Variants in CACNA1C observed in about 807,000 individuals in gnomAD.
CACNA1C encodes calcium voltage-gated channel subunit alpha1 C.
Under a neutral mutation model 229.0 loss-of-function variants are expected in CACNA1C, and 30 were observed. The ratio of observed to expected loss-of-function variants is 0.13; its 90% CI spans 0.10 to 0.18. The LOEUF is 0.18. Among genes scored for constraint, CACNA1C ranks in the 10% least tolerant of loss-of-function variants. CACNA1C has a pLI of 1.00. For missense variants in CACNA1C, 1,658 were observed against 2,845.0 expected (o/e 0.58, Z 9.49); for synonymous variants, 1,114 against 1,132.5 (o/e 0.98, Z 0.33).
chr12:2,460,836 G>A (rs1470612730), intron 5 of CACNA1C, among the ~76,000 whole-genome samples: 1 of 152,202 alleles, frequency 6.6e-6, no homozygotes. Flanking sequence ...CAGTAAAATG[G>A]TGGCTCTTCC....
chr12:1,998,672 A>G (rs1050314537), intron 1 of CACNA1C, among the ~76,000 whole-genome samples: 4 of 152,196 alleles, frequency 2.6e-5, no homozygotes, highest in Admixed American at 2.6e-4. Context: ...GTCACTTCAC[A>G]TTTCTTTTCC....
intron 3 of CACNA1C, among the ~76,000 whole-genome samples, chr12:2,434,889 G>T (rs930213753): frequency 1.3e-5 from 2 of 152,230 alleles, no homozygotes; most frequent in Non-Finnish European, 2.9e-5. Context: ...CTTCAGTCTA[G>T]TTCATCTAAA....
chr12:2,229,171 C>T (rs1336459568), intron 3 of CACNA1C, among the ~76,000 whole-genome samples: 6 of 152,110 alleles, frequency 3.9e-5, no homozygotes, highest in African/African-American at 1.4e-4. Context: ...CTCACTTGGG[C>T]AAGTTCCTTA....
At chr12:2,459,141 C>T (rs1473963826) in intron 5 of CACNA1C, among the ~76,000 whole-genome samples, 1 of 149,254 alleles carries the variant, frequency 6.7e-6, no homozygotes, top group African/African-American at 2.5e-5. Flanking sequence ...TGCCACCATG[C>T]CCAGCTAATT....
chr12:2,125,033 A>G (rs1211137042), intron 3 of CACNA1C, among the ~76,000 whole-genome samples: 1 of 152,106 alleles, frequency 6.6e-6, no homozygotes, highest in Non-Finnish European at 1.5e-5. Context: ...GTGGGAGGGT[A>G]GCAGTGACCA....
chr12:2,633,632 T>C lies in CACNA1C; in HGVS notation c.3829-665T>C, dbSNP rs2091552186. ...CTGCCTGCCCTCCCTTATGTAGGGT[T>C]ACTTTAGTGATCCCTGGAATGTTTT... On this transcript the variant is annotated intron_variant, in intron 29 of 46. Transcript: ENST00000399655. The surrounding 1 kb of genome is among the most constrained non-coding windows in gnomAD (Gnocchi z 5.8). 6.3e-7 allele frequency: 1 copy of C among 1,593,260 alleles called. No homozygotes were observed. Among genetic ancestry groups the C allele is most frequent in the African/African-American group, 1.3e-5 (1 of 74,504 alleles).
intron 3 of CACNA1C, among the ~76,000 whole-genome samples, chr12:2,302,740 A>G (rs1393101869): frequency 6.6e-6 from 1 of 152,166 alleles, no homozygotes; most frequent in Admixed American, 6.5e-5. Flanking sequence ...GAACATGTTG[A>G]CTCTTACATA....
chr12:2,581,845 C>T (rs376854008), intron 14 of CACNA1C, 48 bp downstream of exon 14: 28 of 1,221,460 alleles, frequency 2.3e-5, no homozygotes, highest in East Asian at 9.4e-5. Flanking sequence ...GGTTGAGTGG[C>T]GGGGTGGTGG....
chr12:2,018,060 C>T (rs894302277), intron 1 of CACNA1C, among the ~76,000 whole-genome samples: 1 of 152,174 alleles, frequency 6.6e-6, no homozygotes, highest in Non-Finnish European at 1.5e-5. Flanking sequence ...AGGTTGCAGA[C>T]GCGTGGTCTA....
At chr12:2,652,271 C>T (rs1002606853) in intron 32 of CACNA1C, among the ~76,000 whole-genome samples, 5 of 152,214 alleles carry the variant, frequency 3.3e-5, no homozygotes, top group Non-Finnish European at 7.3e-5. Context: ...GTCCTCCGCT[C>T]GGCTAGAGAG....
chr12:2,389,530 A>G (rs892913734), intron 3 of CACNA1C, among the ~76,000 whole-genome samples: 1 of 152,222 alleles, frequency 6.6e-6, no homozygotes. Flanking sequence ...TGAGTGAAAG[A>G]GAGCATCCTT....
chr12:2,493,413 G>C lies in CACNA1C; in HGVS notation c.1113+27G>C, dbSNP rs1327993744. The C allele has an allele frequency of 1.9e-6, 3 of 1,581,368 alleles. No homozygotes were observed. In the African/African-American group the frequency reaches 4.0e-5, roughly 21 times the overall value. On this transcript the variant is annotated intron_variant, in intron 7 of 46. Coordinates refer to ENST00000399655, the MANE Select transcript of CACNA1C (RefSeq NM_000719.7). This position sits in a 1 kb window ranked among gnomAD's most constrained non-coding sequence, Gnocchi z 4.6. ...TACGTAGCATGAGTGGGCAGTCAGA[G>C]GGTGGGGGAACAGCGGCCGTGAACC... is the stretch of plus-strand genomic sequence containing the variant.
intron 7 of CACNA1C, among the ~76,000 whole-genome samples, chr12:2,501,421 T>G (rs918278788): frequency 6.6e-6 from 1 of 152,014 alleles, no homozygotes. Context: ...CCCATTGCCT[T>G]CCCTGTATCA....
chr12:2,667,994 G>C (rs561646057), intron 37 of CACNA1C, among the ~76,000 whole-genome samples: 1 of 152,346 alleles, frequency 6.6e-6, no homozygotes, highest in East Asian at 1.9e-4. Flanking sequence ...GTGTGTGCTG[G>C]GAAAGAAGAG....
chr12:2,259,566 G>T (rs1279051449), intron 3 of CACNA1C, among the ~76,000 whole-genome samples: 2 of 152,214 alleles, frequency 1.3e-5, no homozygotes, highest in African/African-American at 4.8e-5. Flanking sequence ...AGTGTCTTTT[G>T]ACAGGAGGAA....
chr12:2,667,081 C>CA (rs1415778355), intron 37 of CACNA1C, among the ~76,000 whole-genome samples: 1 of 152,146 alleles, frequency 6.6e-6, no homozygotes, highest in Non-Finnish European at 1.5e-5. Context: ...GTTCGGCGTT[C>CA]TTTTCCTGGA....
In CACNA1C at chr12:2,450,917, G is replaced by T. The variant is rs4765686; in HGVS notation, c.617+1802G>T. On this transcript the variant is annotated intron_variant, in intron 4 of 46. Transcript: ENST00000399655. Reference sequence around the variant, plus strand: ...GTGCCTGGTCTTTACTGCAGGAAATGACGCAGGAGGACGTCGAGATCATTT... The same window carrying T: ...GTGCCTGGTCTTTACTGCAGGAAATTACGCAGGAGGACGTCGAGATCATTT... 3.9e-4 allele frequency among the ~76,000 whole-genome samples: 60 copies of T among 152,120 alleles called. 1 individual carries two copies. Among genetic ancestry groups the T allele is most frequent in the African/African-American group, 1.3e-3 (56 of 41,482 alleles).
At chr12:2,321,956 G>A (rs1321504997) in intron 3 of CACNA1C, among the ~76,000 whole-genome samples, 1 of 152,224 alleles carries the variant, frequency 6.6e-6, no homozygotes, top group Non-Finnish European at 1.5e-5. Flanking sequence ...GGGAGTGAAG[G>A]GCTGAGTTCT....
At chr12:2,165,535 G>A (rs1424378557) in intron 3 of CACNA1C, among the ~76,000 whole-genome samples, 1 of 151,974 alleles carries the variant, frequency 6.6e-6, no homozygotes, top group Non-Finnish European at 1.5e-5. Flanking sequence ...TGCTTGGAAA[G>A]TCACTTCCTA....
Sources: gnomAD v4.1 joint callset for allele counts (sites outside exome capture counted in the v4.1 genomes callset) on GRCh38, gnomAD v4.1.1 for gene constraint, Gnocchi (gnomAD v3.1) non-coding constraint, MANE v1.5 for transcripts, NCBI Gene and HGNC (gene_info 2026-07-23, HGNC 2026-07-21) for gene names.